Variants in GNG7 observed in about 807,000 individuals in gnomAD.
GNG7 encodes G protein subunit gamma 7.
Under a neutral mutation model 4.0 loss-of-function variants are expected in GNG7, and 1 was observed. That is an observed-to-expected ratio of 0.25 (90% CI 0.09 to 1.18). The LOEUF (loss-of-function observed/expected upper bound fraction) is 1.18. Among genes scored for constraint, GNG7 ranks in the 50% most tolerant of loss-of-function variants. GNG7 has a pLI of 0.50. For missense variants in GNG7, 86 were observed against 91.9 expected, an observed-to-expected ratio of 0.94 and a Z score of 0.26; for synonymous variants, 34 against 36.9, an observed-to-expected ratio of 0.92 and a Z score of 0.29.
chr19:2,549,588 G>A (rs933120192), intron 3 of GNG7, among the ~76,000 whole-genome samples: 8 of 151,926 alleles, frequency 5.3e-5, no homozygotes, highest in South Asian at 2.1e-4. Flanking sequence ...CGCACTGGCC[G>A]GGGCTGTGTT....
At chr19:2,702,476 A>G (rs1258897972) in intron 1 of GNG7, among the ~76,000 whole-genome samples, 170 bp downstream of exon 1, 2 of 123,278 alleles carry the variant, frequency 1.6e-5, no homozygotes, top group Non-Finnish European at 3.3e-5. Context: ...CCCGTCCCCA[A>G]TTCCAACCCC....
chr19:2,642,846 G>A (rs1166949439), intron 2 of GNG7: 1 of 456,782 alleles, frequency 2.2e-6, no homozygotes, highest in Admixed American at 2.3e-5. Flanking sequence ...GCCCCAGGAA[G>A]CACCGGGAAT....
chr19:2,517,073 G>C (rs898107484), intron 4 of GNG7: 1 of 152,274 alleles, frequency 6.6e-6, no homozygotes, highest in African/African-American at 2.4e-5. Flanking sequence ...TTCTCTCCTT[G>C]CTTTCTTTCC....
chr19:2,674,878 T>C (rs1983556867), intron 1 of GNG7, among the ~76,000 whole-genome samples: 1 of 152,222 alleles, frequency 6.6e-6, no homozygotes, highest in Non-Finnish European at 1.5e-5. Flanking sequence ...GGGCAGCTTT[T>C]CTACATAGTC....
intron 2 of GNG7, among the ~76,000 whole-genome samples, 188 bp from the exon 3 acceptor site, chr19:2,555,376 C>T (rs1417836804): frequency 3.9e-5 from 6 of 152,170 alleles, no homozygotes; most frequent in Non-Finnish European, 8.8e-5. Context: ...TTCTTTACCA[C>T]CGATCCGTGC....
chr19:2,582,164 G>T (rs1224307518), intron 2 of GNG7, among the ~76,000 whole-genome samples: 2 of 152,060 alleles, frequency 1.3e-5, no homozygotes, highest in African/African-American at 4.8e-5. Context: ...ACGTGGAAAT[G>T]GAAAAAAGGA....
chr19:2,615,232 G>C (rs1179262301), intron 2 of GNG7, among the ~76,000 whole-genome samples: 1 of 151,620 alleles, frequency 6.6e-6, no homozygotes, highest in African/African-American at 2.4e-5. Flanking sequence ...CGCGATCTCG[G>C]CTCACTGCAA....
At chr19:2,529,153 C>T (rs1253341032) in intron 3 of GNG7, among the ~76,000 whole-genome samples, 3 of 152,132 alleles carry the variant, frequency 2.0e-5, no homozygotes, top group Non-Finnish European at 4.4e-5. Flanking sequence ...GGATCGGATT[C>T]GGGATAGAGC....
At chr19:2,527,735 G>A (rs1978452127) in intron 3 of GNG7, among the ~76,000 whole-genome samples, 1 of 151,914 alleles carries the variant, frequency 6.6e-6, no homozygotes, top group African/African-American at 2.4e-5. Flanking sequence ...GCAGGGTGCT[G>A]GGCAGCATCC....
chr19:2,671,449 G>A (rs748742055), intron 1 of GNG7, among the ~76,000 whole-genome samples: 6 of 152,108 alleles, frequency 3.9e-5, no homozygotes, highest in Non-Finnish European at 8.8e-5. Flanking sequence ...GACGTTGTCC[G>A]GCCTGCCTTC....
chr19:2,671,323 G>A (rs1983446243), intron 1 of GNG7, among the ~76,000 whole-genome samples: 1 of 152,026 alleles, frequency 6.6e-6, no homozygotes, highest in African/African-American at 2.4e-5. Context: ...CAGGAAGGCC[G>A]AGGACCACCC....
intron 1 of GNG7, among the ~76,000 whole-genome samples, chr19:2,664,579 C>A (rs996155437): frequency 2.0e-5 from 3 of 152,136 alleles, no homozygotes; most frequent in Admixed American, 1.3e-4. Context: ...GGGGAAGGAA[C>A]AATCAGACGG....
intron 2 of GNG7, among the ~76,000 whole-genome samples, chr19:2,612,998 G>A (rs1201253059): frequency 6.6e-6 from 1 of 152,050 alleles, no homozygotes; most frequent in Admixed American, 6.6e-5. Flanking sequence ...GGCCAACGTC[G>A]GACATTTTTA....
chr19:2,701,248 G>C (rs560787251), intron 1 of GNG7: 17 of 152,042 alleles, frequency 1.1e-4, no homozygotes, highest in African/African-American at 4.1e-4. Flanking sequence ...CAAAAGTAGA[G>C]GGGTGAGTCC....
rs373226184 is a variant in GNG7, at chr19:2,646,610, G to A, written c.-134-330C>T. ...TGAGGCAGGAGAATCCCTTGAACCC[G>A]GGAGGCAGAGGGTGCAGTGAGCTGA... On this transcript the variant is annotated intron_variant, in intron 1 of 4. Coordinates refer to ENST00000382159, the MANE Select transcript of GNG7 (RefSeq NM_052847.3). Among the ~76,000 whole-genome samples, 20 of 152,132 alleles carry A rather than the reference G, an allele frequency of 1.3e-4. 1 individual carries two copies. In the East Asian group the frequency reaches 1.7e-3, roughly 13 times the overall value.
Position 2,609,416 on chromosome 19 carries a change from C to T in GNG7, c.-78+36808G>A, listed in dbSNP as rs574219167. On this transcript the variant is annotated intron_variant, in intron 2 of 4. Coordinates refer to ENST00000382159, the MANE Select transcript of GNG7 (RefSeq NM_052847.3). This position sits in a 1 kb window ranked among gnomAD's most constrained non-coding sequence, Gnocchi z 4.4. Reference sequence around the variant, plus strand: ...TTTTGTGCCCAGTGTGAATACATTGCTTGCCTGACCCTGGTCCTGCCCTGG... The same window carrying T: ...TTTTGTGCCCAGTGTGAATACATTGTTTGCCTGACCCTGGTCCTGCCCTGG... Among the ~76,000 whole-genome samples the T allele has an allele frequency of 1.3e-5, 2 of 152,240 alleles. No homozygotes were observed. Among genetic ancestry groups the T allele is most frequent in the South Asian group, 4.1e-4 (2 of 4,826 alleles).
At chr19:2,550,033 G>A (rs1365151219) in intron 3 of GNG7, among the ~76,000 whole-genome samples, 1 of 152,230 alleles carries the variant, frequency 6.6e-6, no homozygotes, top group Admixed American at 6.5e-5. Context: ...AAGTGCCGAG[G>A]CCTCTTTCCG....
chr19:2,553,839 T>A (rs116594853), intron 3 of GNG7, among the ~76,000 whole-genome samples: 1 of 147,176 alleles, frequency 6.8e-6, no homozygotes, highest in Non-Finnish European at 1.5e-5. Context: ...TTATATGTAA[T>A]ATTGCATACA....
chr19:2,602,924 TTTGTTTCTTCCTTTCTTC>T (rs1981254018), intron 2 of GNG7, among the ~76,000 whole-genome samples: 2 of 150,330 alleles, frequency 1.3e-5, no homozygotes, highest in Non-Finnish European at 1.5e-5. Flanking sequence ...TTTCTTTCTT[TTTGTTTCTTCCTTTCTTC>T]CTTTCTTTCT....
Sources: gnomAD v4.1 joint callset for allele counts (sites outside exome capture counted in the v4.1 genomes callset) on GRCh38, gnomAD v4.1.1 for gene constraint, Gnocchi (gnomAD v3.1) non-coding constraint, MANE v1.5 for transcripts, NCBI Gene and HGNC (gene_info 2026-07-23, HGNC 2026-07-21) for gene names.